Variants in METTL15 observed in about 807,000 individuals in gnomAD.
The protein encoded by METTL15 is methyltransferase 15, mitochondrial 12S rRNA N4-cytidine.
Under a neutral mutation model 38.3 loss-of-function variants are expected in METTL15, and 34 were observed. The ratio of observed to expected loss-of-function variants is 0.89; its 90% CI spans 0.68 to 1.18. METTL15 has a LOEUF of 1.18. METTL15 is among the 50% of genes most tolerant of loss of function. The pLI, the probability that METTL15 is intolerant of heterozygous loss-of-function variation, is 0.00. For missense variants in METTL15, 438 were observed against 498.4 expected (o/e 0.88, Z 1.15); for synonymous variants, 162 against 170.9 (o/e 0.95, Z 0.41).
chr11:28,384,225 G>C (rs544064303), intron 5 of METTL15, among the ~76,000 whole-genome samples: 1 of 151,870 alleles, frequency 6.6e-6, no homozygotes, highest in Non-Finnish European at 1.5e-5. Flanking sequence ...GGGCATTTTG[G>C]TTGATTCAAT....
intron 4 of METTL15, among the ~76,000 whole-genome samples, chr11:28,259,350 G>C (rs1047707647): frequency 2.4e-4 from 36 of 151,986 alleles, no homozygotes; most frequent in African/African-American, 8.7e-4. Context: ...GTTAGGGGAG[G>C]GATGATGCCA....
At chr11:28,390,481 AG>A (rs1850491882) in intron 5 of METTL15, among the ~76,000 whole-genome samples, 1 of 152,170 alleles carries the variant, frequency 6.6e-6, no homozygotes, top group Non-Finnish European at 1.5e-5. Context: ...TTTATTAAAT[AG>A]GGAATCCTTT....
intron 6 of METTL15, among the ~76,000 whole-genome samples, chr11:28,457,864 G>A (rs930891863): frequency 5.9e-5 from 9 of 152,210 alleles, no homozygotes; most frequent in Middle Eastern, 3.4e-3. Context: ...CTGGTGGCAG[G>A]ATAAGGATTT....
chr11:28,450,154 A>T (rs951132454), intron 6 of METTL15, among the ~76,000 whole-genome samples: 1 of 152,242 alleles, frequency 6.6e-6, no homozygotes, highest in Non-Finnish European at 1.5e-5. Flanking sequence ...CAAACAACTT[A>T]CCAAGAGTTC....
At chr11:28,409,387 A>AG in intron 5 of METTL15, among the ~76,000 whole-genome samples, 1 of 150,524 alleles carries the variant, frequency 6.6e-6, no homozygotes, top group Non-Finnish European at 1.5e-5. Context: ...GTCTCAAAAA[A>AG]AAAAAAAAAA....
At chr11:28,531,929 C>G (rs1851845240), downstream of METTL15, among the ~76,000 whole-genome samples, 1 of 152,004 alleles carries the variant, frequency 6.6e-6, no homozygotes, top group African/African-American at 2.4e-5. Context: ...CATTCACTTA[C>G]CTATTTCCAT....
At chr11:28,152,910 A>G (rs1014204011) in intron 3 of METTL15, among the ~76,000 whole-genome samples, 5 of 152,072 alleles carry the variant, frequency 3.3e-5, no homozygotes, top group African/African-American at 1.2e-4. Flanking sequence ...AGGGGTGGGC[A>G]GTTCTCAGAA....
intron 5 of METTL15, among the ~76,000 whole-genome samples, chr11:28,395,629 A>C (rs1352366906): frequency 6.6e-6 from 1 of 152,188 alleles, no homozygotes; most frequent in Non-Finnish European, 1.5e-5. Context: ...AAAAAAGTCC[A>C]GGACCAGAAG....
chr11:28,146,679 A>G lies in METTL15; in HGVS notation c.270+33075A>G, dbSNP rs545031124. Among the ~76,000 whole-genome samples the G allele has an allele frequency of 2.2e-4, 33 of 152,018 alleles. No individual in the cohort carries two copies. In the East Asian group the frequency reaches 5.8e-3, roughly 27 times the overall value. On this transcript the variant is annotated intron_variant, in intron 3 of 6. Coordinates refer to ENST00000407364, the MANE Select transcript of METTL15 (RefSeq NM_001113528.2). ...TTCTTTTTATCTTGCTAATTTATCA[A>G]TCTATGAGAAAGTGTGTTATGCCTC...
In METTL15 at chr11:28,358,880, A is replaced by G. The variant is rs537235358; in HGVS notation, c.*259-3057A>G. 1.3e-4 allele frequency among the ~76,000 whole-genome samples: 20 copies of G among 152,320 alleles called. No homozygotes were observed. The South Asian group carries it at 3.9e-3, about 30-fold the overall frequency. ...TGTTGTATTTGTTAGGGTCACAGAG[A>G]AAATTTTAGTTTTAAATTTACCTGC... On this transcript the variant is annotated intron_variant and NMD_transcript_variant, in intron 4 of 7. Coordinates refer to the METTL15 transcript ENST00000532947.
intron 6 of METTL15, among the ~76,000 whole-genome samples, chr11:28,322,756 CA>C (rs1218338676): frequency 2.0e-5 from 3 of 152,130 alleles, no homozygotes; most frequent in Admixed American, 2.0e-4. Context: ...ATAAAATGTA[CA>C]GTTCACACGT....
chr11:28,421,209 A>C, intron 5 of METTL15, among the ~76,000 whole-genome samples: 1 of 151,982 alleles, frequency 6.6e-6, no homozygotes, highest in East Asian at 1.9e-4. Flanking sequence ...TAAGATCAAG[A>C]CCATAATAAA....
chr11:28,198,897 T>A (rs1852004007), intron 3 of METTL15, among the ~76,000 whole-genome samples: 1 of 152,212 alleles, frequency 6.6e-6, no homozygotes, highest in East Asian at 1.9e-4. Flanking sequence ...AATATAGTCT[T>A]GAGTGATTCA....
At chr11:28,372,725 A>C (rs1411031249) in intron 5 of METTL15, among the ~76,000 whole-genome samples, 4 of 149,112 alleles carry the variant, frequency 2.7e-5, no homozygotes, top group South Asian at 2.2e-4. Flanking sequence ...CCCACTAACT[A>C]GTCATCTAGC....
intron 3 of METTL15, among the ~76,000 whole-genome samples, chr11:28,210,004 T>TAA (rs1852557650): frequency 6.6e-6 from 1 of 152,028 alleles, no homozygotes; most frequent in South Asian, 2.1e-4. Context: ...ACTAAGAGCA[T>TAA]AACTTTGAGG....
intron 6 of METTL15, among the ~76,000 whole-genome samples, chr11:28,451,750 C>T (rs1318548570): frequency 1.3e-5 from 2 of 152,184 alleles, no homozygotes; most frequent in Non-Finnish European, 2.9e-5. Context: ...CCCTATTATG[C>T]AGCGTCTGCT....
chr11:28,330,589 A>G lies in METTL15; in HGVS notation c.972A>G (p.Leu324=). 2 of 1,551,516 alleles carry G rather than the reference A, an allele frequency of 1.3e-6. No individual in the cohort carries two copies. Among genetic ancestry groups the G allele is most frequent in the Non-Finnish European group, 1.7e-6 (2 of 1,146,874 alleles). ...TTGTTGCCCTCTCCTTCCATTCACT[A>G]GAGGATCGCATCGTCAAAAGATTTT... The part of the protein sequence containing the change: ...GRLVALSFHS[L]EDRIVKRFLL... The change falls in exon 7 of 7, where the codon CTA becomes CTG. Residue 324 remains leucine (L), a synonymous_variant. Coordinates refer to ENST00000407364, the MANE Select transcript of METTL15 (RefSeq NM_001113528.2).
At chr11:28,496,433 C>T (rs981457824) in intron 6 of METTL15, among the ~76,000 whole-genome samples, 40 of 152,204 alleles carry the variant, frequency 2.6e-4, no homozygotes, top group African/African-American at 9.7e-4. Context: ...TGGACACAGA[C>T]AAACCATATC....
intron 6 of METTL15, among the ~76,000 whole-genome samples, chr11:28,506,907 G>T (rs1486946913): frequency 6.6e-6 from 1 of 151,828 alleles, no homozygotes; most frequent in African/African-American, 2.4e-5. Context: ...ACCATGCCTG[G>T]CTAATTTTTG....
Sources: gnomAD v4.1 joint callset for allele counts (sites outside exome capture counted in the v4.1 genomes callset) on GRCh38, gnomAD v4.1.1 for gene constraint, MANE v1.5 for transcripts, NCBI Gene and HGNC (gene_info 2026-07-23, HGNC 2026-07-21) for gene names.